THSD7B: variants seen among roughly 807,000 people sequenced by gnomAD.
THSD7B encodes thrombospondin type 1 domain containing 7B.
Under a neutral mutation model 213.6 loss-of-function variants are expected in THSD7B, and 138 were observed. The ratio of observed to expected loss-of-function variants is 0.65; its 90% CI spans 0.56 to 0.74. The LOEUF is 0.74. Ranked by LOEUF, THSD7B falls within the 30% of genes least tolerant of loss-of-function variation. The pLI is 0.00. For missense variants in THSD7B, 1,931 were observed against 1,991.5 expected (o/e 0.97, Z 0.58); for synonymous variants, 742 against 687.0 (o/e 1.08, Z -1.25).
At chr2:137,086,015 G>A (rs548008142) in intron 3 of THSD7B, among the ~76,000 whole-genome samples, 4 of 152,258 alleles carry the variant, frequency 2.6e-5, no homozygotes, top group African/African-American at 9.6e-5. Context: ...GTGTGCGTGT[G>A]TGTACTTAAA....
chr2:137,005,411 C>G (rs1004652128), intron 2 of THSD7B, among the ~76,000 whole-genome samples: 2 of 152,216 alleles, frequency 1.3e-5, no homozygotes, highest in African/African-American at 4.8e-5. Flanking sequence ...GCATTGCCAT[C>G]AGTGAAACGG....
At chr2:136,833,268 G>A (rs1199588242) in intron 1 of THSD7B, among the ~76,000 whole-genome samples, 1 of 137,546 alleles carries the variant, frequency 7.3e-6, no homozygotes, top group African/African-American at 2.7e-5. Context: ...GGGAGGCTGA[G>A]GCAGGAGAAT....
intron 21 of THSD7B, among the ~76,000 whole-genome samples, chr2:137,646,761 A>T (rs1381065044): frequency 6.6e-6 from 1 of 151,954 alleles, no homozygotes; most frequent in Non-Finnish European, 1.5e-5. Flanking sequence ...TTTATAAATT[A>T]CCCAATCTAA....
At chr2:136,784,814 AGG>A (rs1681810716) in intron 1 of THSD7B, among the ~76,000 whole-genome samples, 1 of 152,220 alleles carries the variant, frequency 6.6e-6, no homozygotes, top group African/African-American at 2.4e-5. Context: ...CTCTCTAAAC[AGG>A]TATAAATTAT....
At chr2:137,018,523 T>G (rs541307784) in intron 2 of THSD7B, among the ~76,000 whole-genome samples, 3 of 152,310 alleles carry the variant, frequency 2.0e-5, no homozygotes, top group Admixed American at 1.3e-4. Context: ...TTTCATTCAC[T>G]CTTACAGTGA....
intron 15 of THSD7B, among the ~76,000 whole-genome samples, chr2:137,464,490 G>GAA (rs1687953409): frequency 6.6e-6 from 1 of 152,092 alleles, no homozygotes; most frequent in Non-Finnish European, 1.5e-5. Context: ...GAGGCTGTGC[G>GAA]AAACACTTGC....
At chr2:137,160,095 C>CATATT in intron 5 of THSD7B, 118 bp from the exon 6 acceptor site, 1 of 1,165,294 alleles carries the variant, frequency 8.6e-7, no homozygotes, top group Non-Finnish European at 1.2e-6. Context: ...GTTTTCTTTG[C>CATATT]ATATGTTCTT....
intron 12 of THSD7B, among the ~76,000 whole-genome samples, chr2:137,293,618 A>G (rs199582531): frequency 2.0e-5 from 3 of 151,872 alleles, no homozygotes; most frequent in East Asian, 1.9e-4. Context: ...AATATTCCCA[A>G]CTTGTTATTC....
chr2:137,272,455 T>G (rs1211600622), intron 10 of THSD7B, 78 bp from the exon 11 acceptor site: 4 of 1,424,084 alleles, frequency 2.8e-6, no homozygotes, highest in Non-Finnish European at 3.7e-6. Flanking sequence ...CTCTCTCTTT[T>G]TTTTCAATTG....
chr2:137,583,950 T>C (rs938856422), intron 17 of THSD7B, among the ~76,000 whole-genome samples: 6 of 152,222 alleles, frequency 3.9e-5, no homozygotes, highest in African/African-American at 1.4e-4. Flanking sequence ...TTTCATGATA[T>C]TGATTCTTCC....
intron 15 of THSD7B, among the ~76,000 whole-genome samples, chr2:137,523,149 C>T (rs1680217760): frequency 6.9e-6 from 1 of 145,078 alleles, no homozygotes; most frequent in African/African-American, 2.7e-5. Flanking sequence ...GGCATATAAT[C>T]AGTGTTCTGA....
At chr2:137,297,056 C>A (rs1229919330) in intron 12 of THSD7B, among the ~76,000 whole-genome samples, 1 of 149,842 alleles carries the variant, frequency 6.7e-6, no homozygotes, top group East Asian at 1.9e-4. Context: ...TGGTTTTGTA[C>A]ATTCTTGTTT....
At position 137,618,396 on chromosome 2, in the gene THSD7B, G is replaced by C; in HGVS notation, c.3570G>C (p.Trp1190Cys). 6.2e-7 allele frequency: 1 copy of C among 1,613,662 alleles called. No homozygotes were observed. The highest frequency in any genetic ancestry group is 8.5e-7 in the Non-Finnish European group (1 of 1,179,802). The change falls in exon 19 of 28, where the codon TGG becomes TGC. Residue 1190 changes from tryptophan (W) to cysteine (C), a missense_variant. Trp to Cys is a radical substitution (Grantham distance 215, BLOSUM62 -2). Coordinates refer to ENST00000409968, the MANE Select transcript of THSD7B (RefSeq NM_001316349.2). ...TGGGTGATCCTATGCCTGTAGAGTG[G>C]AGCACATGCCAGCTGAGTGAAAACG... ...CFQFQYNLTE[W>C]STCQLSENAP...
intron 2 of THSD7B, among the ~76,000 whole-genome samples, chr2:136,986,232 G>GTGAGAA (rs1685670222): frequency 6.6e-6 from 1 of 152,180 alleles, no homozygotes; most frequent in Non-Finnish European, 1.5e-5. Context: ...ATTTTGAAAT[G>GTGAGAA]TGAGAAGGAC....
intron 2 of THSD7B, among the ~76,000 whole-genome samples, chr2:136,911,681 C>T (rs1428678228): frequency 6.6e-6 from 1 of 152,214 alleles, no homozygotes; most frequent in Non-Finnish European, 1.5e-5. Flanking sequence ...ACCTTCTACT[C>T]TGCTGTGATT....
intron 12 of THSD7B, among the ~76,000 whole-genome samples, chr2:137,385,073 G>T (rs536477152): frequency 2.0e-5 from 3 of 152,288 alleles, no homozygotes; most frequent in African/African-American, 7.2e-5. Flanking sequence ...GAGCTTCAAA[G>T]AATTTTCCTG....
At chr2:137,373,048 T>C (rs1573990728) in intron 12 of THSD7B, among the ~76,000 whole-genome samples, 1 of 152,016 alleles carries the variant, frequency 6.6e-6, no homozygotes, top group South Asian at 2.1e-4. Flanking sequence ...TATGGCTGCA[T>C]AGTATTCCAT....
At chr2:137,206,494 CA>C (rs1249756392) in intron 7 of THSD7B, among the ~76,000 whole-genome samples, 5 of 152,016 alleles carry the variant, frequency 3.3e-5, no homozygotes, top group African/African-American at 1.2e-4. Context: ...GTTACATTAT[CA>C]GGGGGTCCCA....
chr2:137,554,521 A>G (rs1680913162), intron 15 of THSD7B, among the ~76,000 whole-genome samples: 1 of 152,178 alleles, frequency 6.6e-6, no homozygotes, highest in South Asian at 2.1e-4. Context: ...TTTTGGGACT[A>G]AGGTGAGATA....
Sources: allele counts gnomAD v4.1 joint callset (sites outside exome capture counted in the v4.1 genomes callset), GRCh38; gene constraint gnomAD v4.1.1; transcripts MANE v1.5; gene names NCBI Gene and HGNC (gene_info 2026-07-23, HGNC 2026-07-21).